Variants in B3GALT1 observed in about 807,000 individuals in gnomAD.
B3GALT1 encodes UDP-Gal:betaGlcNAc beta 1,3-galactosyltransferase, polypeptide 1.
A neutral mutation model predicts 23.2 loss-of-function variants in B3GALT1; 10 were observed. The observed-to-expected ratio is 0.43, with a 90% CI of 0.27 to 0.73. The LOEUF (loss-of-function observed/expected upper bound fraction) is 0.73, where lower values mean the gene tolerates loss of function less well. B3GALT1 is among the 30% of genes least tolerant of loss of function. The pLI is 0.21. For synonymous variants in B3GALT1, 156 were observed against 141.5 expected, an observed-to-expected ratio of 1.10 and a Z score of -0.73; for missense variants, 299 against 405.4, an observed-to-expected ratio of 0.74 and a Z score of 2.25.
At chr2:167,570,503 T>C (rs1684272875) in intron 2 of B3GALT1, among the ~76,000 whole-genome samples, 1 of 151,966 alleles carries the variant, frequency 6.6e-6, no homozygotes, top group Admixed American at 6.6e-5. Flanking sequence ...CATATGTTTA[T>C]GCATTATTTG....
intron 4 of B3GALT1, among the ~76,000 whole-genome samples, chr2:167,847,947 G>A (rs1689796073): frequency 6.6e-6 from 1 of 151,506 alleles, no homozygotes; most frequent in Admixed American, 6.6e-5. Context: ...GATTATTCAA[G>A]GCTACTATGA....
chr2:167,421,538 G>A (rs929267754), intron 1 of B3GALT1, among the ~76,000 whole-genome samples: 3 of 152,158 alleles, frequency 2.0e-5, no homozygotes, highest in East Asian at 1.9e-4. Context: ...ATGAATACTG[G>A]AATTTTAAAA....
At chr2:167,307,614 C>T (rs1478193759) in intron 1 of B3GALT1, among the ~76,000 whole-genome samples, 1 of 152,018 alleles carries the variant, frequency 6.6e-6, no homozygotes, top group Non-Finnish European at 1.5e-5. Context: ...GCCCCAGCCC[C>T]TGTTCATGGT....
At chr2:167,306,033 GAAAATAATTATAAAAA>G in intron 1 of B3GALT1, among the ~76,000 whole-genome samples, 1 of 152,006 alleles carries the variant, frequency 6.6e-6, no homozygotes, top group East Asian at 1.9e-4. Flanking sequence ...AGTATGTGGG[GAAAATAATTATAAAAA>G]AAATTCTTAC....
At chr2:167,569,356 T>A (rs937428163) in intron 2 of B3GALT1, among the ~76,000 whole-genome samples, 2 of 151,900 alleles carry the variant, frequency 1.3e-5, no homozygotes, top group African/African-American at 4.8e-5. Flanking sequence ...ATTTATTCCT[T>A]CTCCTTAGAT....
intron 1 of B3GALT1, among the ~76,000 whole-genome samples, chr2:167,378,809 C>T (rs913136172): frequency 6.6e-6 from 1 of 152,068 alleles, no homozygotes; most frequent in African/African-American, 2.4e-5. Flanking sequence ...AGTTCTTTAT[C>T]TGTCATTTCT....
chr2:167,598,946 T>C lies in B3GALT1; in HGVS notation c.-409-47963T>C, dbSNP rs112883605. ...TCATTCTATTCTCTTTCTTTATCTT[T>C]TAGACTGTCCAGTACCACAGAATAT... is the stretch of plus-strand genomic sequence containing the variant. On this transcript the variant is annotated intron_variant, in intron 2 of 4. Coordinates refer to ENST00000392690, the MANE Select transcript of B3GALT1 (RefSeq NM_020981.4). 1.5e-3 allele frequency among the ~76,000 whole-genome samples: 236 copies of C among 152,312 alleles called. 1 individual carries two copies. Among genetic ancestry groups the C allele is most frequent in the Non-Finnish European group, 3.0e-3 (206 of 68,022 alleles).
intron 2 of B3GALT1, among the ~76,000 whole-genome samples, chr2:167,638,422 C>T (rs78062448): frequency 0.014 from 2,140 of 152,058 alleles, 29 homozygotes; most frequent in South Asian, 0.049. Context: ...AGCTTTAATG[C>T]CCTTTGGCTT....
At chr2:167,452,518 A>G (rs1441900481) in intron 1 of B3GALT1, among the ~76,000 whole-genome samples, 2 of 151,934 alleles carry the variant, frequency 1.3e-5, no homozygotes, top group African/African-American at 4.8e-5. Context: ...CCTTTTTCAC[A>G]CTTTCACACT....
rs1690315808 is a variant in B3GALT1 at position 167,870,214 on chromosome 2, T to A, written c.*194T>A. The A allele has an allele frequency of 5.5e-6, 3 of 545,870 alleles. No homozygotes were observed. In the East Asian group the frequency reaches 9.0e-5, roughly 16 times the overall value. The allele number at this position is 545,870 out of a possible 1,614,324, so 33.8% of individuals were successfully genotyped here. On this transcript the variant is annotated 3_prime_UTR_variant, in exon 5 of 5. Transcript: ENST00000392690. ...CTGGTCATAGAAACAATAAATGAGT[T>A]AGAAGGGCCAGATTTCATTCTCAGT...
rs138038378 is a variant in B3GALT1, at chr2:167,615,744, TATGTA to T, written c.-409-31164_-409-31160del. Reference sequence around the variant, plus strand: ...AGTAACAATAATAATAACCAGGTCTTATGTAGTGTTTAGCACGTGTCATGCACTAC... The same window carrying T: ...AGTAACAATAATAATAACCAGGTCTTGTGTTTAGCACGTGTCATGCACTAC... On this transcript the variant is annotated intron_variant, in intron 2 of 4. Transcript: ENST00000392690. Among the ~76,000 whole-genome samples the T allele has an allele frequency of 2.2e-3, 331 of 152,244 alleles. 4 individuals carry two copies. The East Asian group carries it at 0.044, about 20-fold the overall frequency.
intron 2 of B3GALT1, among the ~76,000 whole-genome samples, chr2:167,559,406 C>T (rs1024925770): frequency 3.3e-5 from 5 of 152,194 alleles, no homozygotes; most frequent in Admixed American, 6.5e-5. Flanking sequence ...CGCCTCTCCT[C>T]CTCCAAAGGA....
intron 4 of B3GALT1, among the ~76,000 whole-genome samples, chr2:167,846,403 A>G (rs1272782923): frequency 6.6e-6 from 1 of 152,236 alleles, no homozygotes; most frequent in Non-Finnish European, 1.5e-5. Context: ...CAGATTTCTC[A>G]GCAGAAACCC....
At chr2:167,309,012 T>C (rs1302246308) in intron 1 of B3GALT1, among the ~76,000 whole-genome samples, 1 of 152,068 alleles carries the variant, frequency 6.6e-6, no homozygotes, top group Non-Finnish European at 1.5e-5. Flanking sequence ...AAATGTAACA[T>C]ATTCAGTAAT....
intron 2 of B3GALT1, among the ~76,000 whole-genome samples, chr2:167,528,732 G>A (rs555867256): frequency 9.9e-5 from 15 of 152,112 alleles, no homozygotes; most frequent in Non-Finnish European, 1.9e-4. Flanking sequence ...GTAATGGGAG[G>A]ATACAGAAAG....
intron 3 of B3GALT1, among the ~76,000 whole-genome samples, chr2:167,697,796 T>A (rs893769949): frequency 2.0e-5 from 3 of 152,126 alleles, no homozygotes; most frequent in African/African-American, 7.2e-5. Flanking sequence ...AGTGAAAGCA[T>A]TGATTAGGTT....
chr2:167,394,124 G>A (rs1423369728), intron 1 of B3GALT1, among the ~76,000 whole-genome samples: 2 of 152,216 alleles, frequency 1.3e-5, no homozygotes, highest in Non-Finnish European at 2.9e-5. Context: ...TGCTGCCTTA[G>A]TGTATACCTT....
chr2:167,399,662 C>T (rs527891696), intron 1 of B3GALT1, among the ~76,000 whole-genome samples: 1 of 152,010 alleles, frequency 6.6e-6, no homozygotes, highest in Admixed American at 6.6e-5. Flanking sequence ...AATTATATAG[C>T]AAATCCCCTT....
chr2:167,739,935 C>A (rs13417251), intron 3 of B3GALT1, among the ~76,000 whole-genome samples: 25,621 of 67,120 alleles, frequency 0.38, 3,665 homozygotes, highest in Non-Finnish European at 0.44. Context: ...TACAAAAAAA[C>A]AAACAAAAAA....
Sources: gnomAD v4.1 joint callset for allele counts (sites outside exome capture counted in the v4.1 genomes callset) on GRCh38, gnomAD v4.1.1 for gene constraint, MANE v1.5 for transcripts, NCBI Gene and HGNC (gene_info 2026-07-23, HGNC 2026-07-21) for gene names.